The following IFNGR2 variants were observed in gnomAD, a reference collection of about 807,000 sequenced individuals.
IFNGR2 encodes the protein IFN-gamma receptor 2.
IFNGR2 carries 15 observed loss-of-function variants against 41.1 expected under a neutral mutation model. The ratio of observed to expected loss-of-function variants is 0.37; its 90% CI spans 0.24 to 0.56. IFNGR2 has a LOEUF of 0.56. Ranked by LOEUF, IFNGR2 falls within the 20% of genes least tolerant of loss-of-function variation. The pLI is 0.81. For missense variants in IFNGR2, 362 were observed against 415.7 expected, an observed-to-expected ratio of 0.87 and a Z score of 1.12; for synonymous variants, 161 against 171.6, an observed-to-expected ratio of 0.94 and a Z score of 0.48.
chr21:33,423,036 CTTTTTTTTTTT>C (rs1158807047), intron 3 of IFNGR2, among the ~76,000 whole-genome samples: 1 of 117,372 alleles, frequency 8.5e-6, no homozygotes, highest in Non-Finnish European at 1.8e-5. Context: ...CTTCCCTCTA[CTTTTTTTTTTT>C]TTTTTTTTTT....
At chr21:33,406,167 G>T (rs1347652678) in intron 1 of IFNGR2, among the ~76,000 whole-genome samples, 1 of 152,202 alleles carries the variant, frequency 6.6e-6, no homozygotes, top group African/African-American at 2.4e-5. Context: ...GAGGTCAGAA[G>T]TTCCAGAGAC....
rs536163540 is a variant in IFNGR2, at chr21:33,424,616, G to T, written c.413-2268G>T. 4.6e-5 allele frequency among the ~76,000 whole-genome samples: 7 copies of T among 152,300 alleles called. No homozygotes were observed. The East Asian group carries it at 9.6e-4, about 21-fold the overall frequency. ...TGGTGGTTGGAGGGGGCAGGCTTTA[G>T]CATCACCCTCACCTGGGTTCATATC... On this transcript the variant is annotated intron_variant, in intron 3 of 6. Coordinates refer to ENST00000290219, the MANE Select transcript of IFNGR2 (RefSeq NM_005534.4).
intron 1 of IFNGR2, chr21:33,410,997 G>T: frequency 2.3e-6 from 2 of 854,344 alleles, no homozygotes; most frequent in Admixed American, 4.1e-5. Flanking sequence ...CGGGGGCCAT[G>T]TGGCCTGGAA....
At chr21:33,409,296 C>T (rs562475792) in intron 1 of IFNGR2, among the ~76,000 whole-genome samples, 2 of 151,764 alleles carry the variant, frequency 1.3e-5, no homozygotes, top group South Asian at 2.1e-4. Context: ...GGTGAAACCT[C>T]GTCTCTCCTA....
At chr21:33,431,293 G>C (rs1408456729) in intron 4 of IFNGR2, among the ~76,000 whole-genome samples, 1 of 152,208 alleles carries the variant, frequency 6.6e-6, no homozygotes, top group Non-Finnish European at 1.5e-5. Flanking sequence ...ATGTTGGCCA[G>C]GCGCGGTGGC....
chr21:33,434,404 C>T (rs1224419521), intron 6 of IFNGR2, among the ~76,000 whole-genome samples: 1 of 152,056 alleles, frequency 6.6e-6, no homozygotes, highest in Non-Finnish European at 1.5e-5. Context: ...CGCCTGTAAT[C>T]CCAGCTACAT....
chr21:33,436,418 CTA>C (rs925398785), intron 6 of IFNGR2, among the ~76,000 whole-genome samples: 36 of 151,782 alleles, frequency 2.4e-4, no homozygotes, highest in African/African-American at 7.5e-4. Flanking sequence ...AATAAAATAA[CTA>C]TACCAATTAA....
Position 33,432,349 on chromosome 21 carries a change from T to C in IFNGR2, c.721+13T>C. On this transcript the variant is annotated intron_variant, in intron 5 of 6. Coordinates refer to ENST00000290219, the MANE Select transcript of IFNGR2 (RefSeq NM_005534.4). ...ACAATGGCAGATGGTAAAATATACC[T>C]TCTTATGTCCTTTCTGAACTGGGAA... The C allele has an allele frequency of 6.2e-7, 1 of 1,607,060 alleles. No individual in the cohort carries two copies. The highest frequency in any genetic ancestry group is 1.1e-5 in the South Asian group (1 of 90,966).
At chr21:33,409,566 A>T (rs2083702222) in intron 1 of IFNGR2, among the ~76,000 whole-genome samples, 8 of 152,132 alleles carry the variant, frequency 5.3e-5, no homozygotes, top group Admixed American at 5.2e-4. Flanking sequence ...AGTGGTGGTG[A>T]TTGGTCTGGG....
intron 2 of IFNGR2, among the ~76,000 whole-genome samples, chr21:33,416,678 T>C (rs1457381208): frequency 1.3e-5 from 2 of 151,864 alleles, no homozygotes; most frequent in Admixed American, 1.3e-4. Flanking sequence ...AAAAATTAGC[T>C]GGGTGTAGTG....
At chr21:33,424,972 C>T (rs548294230) in intron 3 of IFNGR2, among the ~76,000 whole-genome samples, 3 of 152,184 alleles carry the variant, frequency 2.0e-5, no homozygotes, top group East Asian at 1.9e-4. Context: ...TGCAGTGGCC[C>T]GATCTCGGCT....
intron 1 of IFNGR2, among the ~76,000 whole-genome samples, chr21:33,408,327 A>G (rs1230249117): frequency 2.0e-5 from 3 of 151,774 alleles, no homozygotes; most frequent in African/African-American, 7.3e-5. Context: ...CTCCCAAGTA[A>G]CTGTGATTAC....
In IFNGR2 at chr21:33,437,026, TTC is replaced by T; in HGVS notation, c.*66_*67del. 2.5e-6 allele frequency: 4 copies of T among 1,575,468 alleles called. No individual in the cohort carries two copies. The highest frequency in any genetic ancestry group is 2.6e-6 in the Non-Finnish European group (3 of 1,146,738). Reference sequence around the variant, plus strand: ...GATCAAGCCATCGGAGCTGCTAGAGTTCTGTCTGGACTTTCCAGAGACCAGTA... The same window carrying T: ...GATCAAGCCATCGGAGCTGCTAGAGTTGTCTGGACTTTCCAGAGACCAGTA... On this transcript the variant is annotated 3_prime_UTR_variant, in exon 7 of 7. Coordinates refer to ENST00000290219, the MANE Select transcript of IFNGR2 (RefSeq NM_005534.4).
chr21:33,421,766 C>A, intron 3 of IFNGR2, 81 bp downstream of exon 3: 1 of 1,076,236 alleles, frequency 9.3e-7, no homozygotes, highest in South Asian at 1.2e-5. Context: ...ACACCTCTGT[C>A]CTGCCTGTCA....
intron 1 of IFNGR2, among the ~76,000 whole-genome samples, chr21:33,407,922 C>T (rs1282485673): frequency 6.8e-6 from 1 of 147,364 alleles, no homozygotes; most frequent in Non-Finnish European, 1.5e-5. Context: ...CATGCCTGGC[C>T]TAGTATTTCT....
At chr21:33,417,271 G>C (rs2083760981) in intron 2 of IFNGR2, among the ~76,000 whole-genome samples, 1 of 151,906 alleles carries the variant, frequency 6.6e-6, no homozygotes, top group South Asian at 2.1e-4. Context: ...TTAATTTTTT[G>C]AAGAGATGGG....
chr21:33,415,332 A>G (rs573747651), intron 2 of IFNGR2, among the ~76,000 whole-genome samples: 9 of 152,362 alleles, frequency 5.9e-5, no homozygotes, highest in Admixed American at 2.0e-4. Context: ...ATGGAAGAAC[A>G]GGAGGCAGCT....
chr21:33,421,716 A>G (rs1165432624), intron 3 of IFNGR2, 31 bp downstream of exon 3: 2 of 1,556,300 alleles, frequency 1.3e-6, no homozygotes, highest in Non-Finnish European at 1.8e-6. Flanking sequence ...AACTTCCTTT[A>G]TACTTTCCAG....
chr21:33,422,006 T>C (rs1347275754), intron 3 of IFNGR2, among the ~76,000 whole-genome samples: 2 of 152,254 alleles, frequency 1.3e-5, no homozygotes, highest in Non-Finnish European at 2.9e-5. Context: ...GTAGAGTAGT[T>C]GCAATAGCAG....
Sources: gnomAD v4.1 joint callset for allele counts (sites outside exome capture counted in the v4.1 genomes callset) on GRCh38, gnomAD v4.1.1 for gene constraint, MANE v1.5 for transcripts, NCBI Gene and HGNC (gene_info 2026-07-23, HGNC 2026-07-21) for gene names.